Variants in INPP4B observed in about 807,000 individuals in gnomAD.
INPP4B encodes the protein inositol polyphosphate-4-phosphatase type II B.
In INPP4B, 55 loss-of-function variants were observed where a neutral mutation model predicts 122.5. That is an observed-to-expected ratio of 0.45 (90% confidence interval 0.36 to 0.56). The LOEUF (loss-of-function observed/expected upper bound fraction) is 0.56, where lower values mean the gene tolerates loss of function less well. INPP4B is among the 20% of genes least tolerant of loss of function. INPP4B has a pLI of 0.00. For missense variants in INPP4B, 1,000 were observed against 1,097.7 expected, an observed-to-expected ratio of 0.91 and a Z score of 1.26; for synonymous variants, 403 against 388.7, an observed-to-expected ratio of 1.04 and a Z score of -0.43.
intron 25 of INPP4B, among the ~76,000 whole-genome samples, chr4:142,043,269 A>T (rs1186421750): frequency 2.0e-5 from 3 of 152,248 alleles, no homozygotes; most frequent in African/African-American, 4.8e-5. Flanking sequence ...AATAAGATAC[A>T]TTTAAGAATC....
intron 6 of INPP4B, among the ~76,000 whole-genome samples, chr4:142,404,439 A>G (rs1055259914): frequency 6.6e-6 from 1 of 152,218 alleles, no homozygotes; most frequent in Admixed American, 6.5e-5. Flanking sequence ...AGATGTTTAA[A>G]TAAGTATCTC....
At chr4:142,544,246 C>T (rs1004731599) in intron 2 of INPP4B, among the ~76,000 whole-genome samples, 3 of 151,178 alleles carry the variant, frequency 2.0e-5, no homozygotes, top group Non-Finnish European at 4.4e-5. Flanking sequence ...TAACCAGAAG[C>T]GTTACTATTG....
At chr4:142,756,955 G>A (rs760019631) in intron 1 of INPP4B, among the ~76,000 whole-genome samples, 11 of 152,186 alleles carry the variant, frequency 7.2e-5, no homozygotes, top group East Asian at 1.9e-4. Flanking sequence ...GGTTTTAACC[G>A]TTCCCAAATC....
At chr4:142,033,940 T>A (rs1216419693) in intron 25 of INPP4B, among the ~76,000 whole-genome samples, 2 of 152,142 alleles carry the variant, frequency 1.3e-5, no homozygotes. Context: ...GTGCTGGGAT[T>A]ACAGGCATGA....
intron 2 of INPP4B, among the ~76,000 whole-genome samples, chr4:142,653,379 T>G (rs1410663293): frequency 3.3e-5 from 5 of 152,164 alleles, no homozygotes; most frequent in Non-Finnish European, 7.3e-5. Context: ...AAATGGGATC[T>G]AATTAAACTA....
intron 7 of INPP4B, among the ~76,000 whole-genome samples, chr4:142,339,985 A>G (rs969861287): frequency 4.0e-4 from 61 of 152,320 alleles, no homozygotes; most frequent in African/African-American, 1.4e-3. Context: ...GGGGGCTACA[A>G]AGAAAGATTT....
At chr4:142,604,273 T>C (rs921724253) in intron 2 of INPP4B, among the ~76,000 whole-genome samples, 3 of 152,080 alleles carry the variant, frequency 2.0e-5, no homozygotes, top group African/African-American at 7.2e-5. Flanking sequence ...GCTAACATCA[T>C]GCTGAATGGA....
chr4:142,550,129 G>A (rs1727622604), intron 2 of INPP4B, among the ~76,000 whole-genome samples: 1 of 152,120 alleles, frequency 6.6e-6, no homozygotes, highest in East Asian at 1.9e-4. Flanking sequence ...TATTGCCTCT[G>A]ATTAAAACAG....
chr4:142,155,879 C>T (rs1413300138), intron 17 of INPP4B, among the ~76,000 whole-genome samples: 3 of 151,018 alleles, frequency 2.0e-5, no homozygotes, highest in South Asian at 4.2e-4. Flanking sequence ...GGATGTTTTA[C>T]ATAAATATGA....
At chr4:142,411,205 G>A (rs555876103) in intron 5 of INPP4B, among the ~76,000 whole-genome samples, 2 of 152,238 alleles carry the variant, frequency 1.3e-5, no homozygotes, top group African/African-American at 4.8e-5. Context: ...ACATGTAAAT[G>A]GTCAACTCAC....
chr4:142,562,447 T>C (rs1730674279), intron 2 of INPP4B, among the ~76,000 whole-genome samples: 5 of 152,176 alleles, frequency 3.3e-5, no homozygotes, highest in African/African-American at 1.2e-4. Context: ...TTTTGTAACA[T>C]ATGCTTACAT....
chr4:142,656,697 C>T (rs1254273008), intron 2 of INPP4B, among the ~76,000 whole-genome samples: 1 of 152,184 alleles, frequency 6.6e-6, no homozygotes, highest in African/African-American at 2.4e-5. Context: ...GTGGAGGAAC[C>T]ATTTGCACAA....
chr4:142,653,049 G>A (rs1301340906), intron 2 of INPP4B, among the ~76,000 whole-genome samples: 7 of 152,138 alleles, frequency 4.6e-5, no homozygotes, highest in African/African-American at 1.7e-4. Context: ...GAATAGAACA[G>A]AGTCCTCAGA....
At chr4:142,334,811 G>T (rs1375077705) in intron 7 of INPP4B, among the ~76,000 whole-genome samples, 1 of 151,938 alleles carries the variant, frequency 6.6e-6, no homozygotes, top group Non-Finnish European at 1.5e-5. Flanking sequence ...TGTTGTTGTT[G>T]TTTTTTATTT....
chr4:142,545,598 A>C (rs1305345475), intron 2 of INPP4B, among the ~76,000 whole-genome samples: 1 of 151,932 alleles, frequency 6.6e-6, no homozygotes, highest in Admixed American at 6.6e-5. Flanking sequence ...AGTTCTCAGA[A>C]AGCCTCCTTT....
chr4:142,722,739 T>A (rs1159870034), intron 2 of INPP4B, among the ~76,000 whole-genome samples: 2 of 152,172 alleles, frequency 1.3e-5, no homozygotes, highest in African/African-American at 4.8e-5. Context: ...GTTATGAATA[T>A]GTTTTTGTAA....
intron 25 of INPP4B, among the ~76,000 whole-genome samples, chr4:142,033,541 C>A (rs1426873816): frequency 6.6e-6 from 1 of 152,122 alleles, no homozygotes; most frequent in African/African-American, 2.4e-5. Context: ...CTCTAGAGGT[C>A]ATTCTGTGCA....
chr4:142,695,456 A>G (rs900543624), intron 2 of INPP4B, among the ~76,000 whole-genome samples: 1 of 152,210 alleles, frequency 6.6e-6, no homozygotes, highest in African/African-American at 2.4e-5. Flanking sequence ...ATTATTTCCT[A>G]TGTAAAACAT....
intron 1 of INPP4B, among the ~76,000 whole-genome samples, chr4:142,777,375 G>A (rs1344177613): frequency 6.6e-6 from 1 of 152,176 alleles, no homozygotes; most frequent in Admixed American, 6.6e-5. Context: ...TATGGAGAGA[G>A]GAGCCCATGT....
Sources: gnomAD v4.1 joint callset for allele counts (sites outside exome capture counted in the v4.1 genomes callset) on GRCh38, gnomAD v4.1.1 for gene constraint, MANE v1.5 for transcripts, NCBI Gene and HGNC (gene_info 2026-07-23, HGNC 2026-07-21) for gene names.